The following GREB1L variants were observed in gnomAD, a reference collection of about 807,000 sequenced individuals.
The protein encoded by GREB1L is GREB1-like protein.
A neutral mutation model predicts 200.8 loss-of-function variants in GREB1L; 17 were observed. The ratio of observed to expected loss-of-function variants is 0.08; its 90% confidence interval spans 0.06 to 0.13. GREB1L has a LOEUF of 0.13. Ranked by LOEUF, GREB1L falls within the 10% of genes least tolerant of loss-of-function variation. The pLI, the probability that GREB1L is intolerant of heterozygous loss-of-function variation, is 1.00. For synonymous variants in GREB1L, 789 were observed against 893.0 expected (o/e 0.88, Z 2.08); for missense variants, 1,657 against 2,367.7 (o/e 0.70, Z 6.23).
At chr18:21,276,924 CT>C (rs573871373) in intron 1 of GREB1L, among the ~76,000 whole-genome samples, 143 of 107,648 alleles carry the variant, frequency 1.3e-3, no homozygotes, top group East Asian at 4.5e-3. Context: ...CAGCCCAGCC[CT>C]TTTTTTTTTT....
chr18:21,402,158 C>T (rs762742752), intron 6 of GREB1L, among the ~76,000 whole-genome samples: 3 of 152,032 alleles, frequency 2.0e-5, no homozygotes, highest in Admixed American at 6.6e-5. Context: ...CGCTTGTGAC[C>T]ACTGAATCAT....
chr18:21,427,473 C>A (rs916212992), intron 7 of GREB1L, among the ~76,000 whole-genome samples: 3 of 151,184 alleles, frequency 2.0e-5, no homozygotes, highest in African/African-American at 7.4e-5. Flanking sequence ...CCACTACACT[C>A]CAGCTTGGGC....
At chr18:21,298,417 T>C (rs562375917) in intron 1 of GREB1L, among the ~76,000 whole-genome samples, 2 of 152,248 alleles carry the variant, frequency 1.3e-5, no homozygotes, top group Non-Finnish European at 2.9e-5. Flanking sequence ...GTTTATTTCA[T>C]TTTTCTGATT....
rs1169134389 is a variant in GREB1L at position 21,474,390 on chromosome 18, G to A, written c.2363+1179G>A. 5.3e-5 allele frequency among the ~76,000 whole-genome samples: 8 copies of A among 152,314 alleles called. No homozygotes were observed. The South Asian group carries it at 1.7e-3, about 32-fold the overall frequency. ...CTGGCACCAGTAGGAACTCAGTGTGGTGGGTCTGACCCCACATTTCCCTTC... is the reference window on the plus strand; with the variant it reads ...CTGGCACCAGTAGGAACTCAGTGTGATGGGTCTGACCCCACATTTCCCTTC... On this transcript the variant is annotated intron_variant, in intron 16 of 32. Coordinates refer to ENST00000424526, the MANE Select transcript of GREB1L (RefSeq NM_001142966.3).
intron 1 of GREB1L, among the ~76,000 whole-genome samples, chr18:21,267,681 C>T (rs1013544359): frequency 6.6e-6 from 1 of 152,094 alleles, no homozygotes; most frequent in African/African-American, 2.4e-5. Context: ...CTTATGACCC[C>T]ATCCAATCAT....
Position 21,379,237 on chromosome 18 carries a change from G to A in GREB1L, c.-9-4273G>A, listed in dbSNP as rs1174451879. On this transcript the variant is annotated intron_variant, in intron 2 of 32. Transcript: ENST00000424526. The stretch of plus-strand genomic sequence containing the variant: ...TCTTTTTTATTTTGAAAGGAGTTTC[G>A]CTCTTGTTGCCCAGGCTGGAGTGCA... Among the ~76,000 whole-genome samples, 3 of 151,728 alleles carry A rather than the reference G, an allele frequency of 2.0e-5. No homozygotes were observed. The East Asian group carries it at 5.8e-4, about 29-fold the overall frequency.
chr18:21,520,880 AC>A, intron 32 of GREB1L, 57 bp downstream of exon 32: 1 of 1,428,484 alleles, frequency 7.0e-7, no homozygotes, highest in Non-Finnish European at 9.4e-7. Context: ...TGAGCAAAAT[AC>A]AGAAGATAAA....
At chr18:21,361,695 A>G (rs4800627) in intron 1 of GREB1L, among the ~76,000 whole-genome samples, 2 of 151,706 alleles carry the variant, frequency 1.3e-5, no homozygotes, top group African/African-American at 4.8e-5. Flanking sequence ...GATTTCTGGT[A>G]CAGACTGTGA....
intron 15 of GREB1L, among the ~76,000 whole-genome samples, chr18:21,470,431 A>G (rs2035439093): frequency 6.6e-6 from 1 of 152,184 alleles, no homozygotes; most frequent in Non-Finnish European, 1.5e-5. Flanking sequence ...CATTTTCTCC[A>G]TAAAGGTCTT....
chr18:21,449,676 C>T lies in GREB1L; in HGVS notation c.1560C>T (p.Asp520=), dbSNP rs1166751203. ...LARLIASVSQ[D]LVHVVVTQNS... is the part of the protein sequence containing the mutation. ...GATTAATTGCCAGCGTATCTCAAGA[C>T]TTGGTTCATGTGGTTGTGACCCAGA... The change falls in exon 12 of 33, where the codon GAC becomes GAT. Residue 520 remains aspartate, a synonymous_variant. Coordinates refer to ENST00000424526, the MANE Select transcript of GREB1L (RefSeq NM_001142966.3). 5 of 1,551,700 alleles carry T rather than the reference C, an allele frequency of 3.2e-6. No homozygotes were observed. The South Asian group carries it at 4.8e-5, about 15-fold the overall frequency.
intron 4 of GREB1L, among the ~76,000 whole-genome samples, chr18:21,392,823 G>A (rs1466498054): frequency 2.6e-5 from 4 of 151,994 alleles, no homozygotes; most frequent in Non-Finnish European, 5.9e-5. Context: ...CCAGGCTGGA[G>A]TACAATGGCA....
At chr18:21,243,070 C>T (rs1402840551) in intron 1 of GREB1L, among the ~76,000 whole-genome samples, 2 of 152,020 alleles carry the variant, frequency 1.3e-5, no homozygotes, top group Non-Finnish European at 2.9e-5. Flanking sequence ...TGGCTGAGGA[C>T]CACTCTTATT....
chr18:21,412,788 G>A (rs1033544657), intron 7 of GREB1L, among the ~76,000 whole-genome samples: 2 of 151,936 alleles, frequency 1.3e-5, no homozygotes, highest in African/African-American at 4.8e-5. Flanking sequence ...AATGTTTTGT[G>A]CACTCTTCTG....
At chr18:21,310,234 G>T (rs910691766) in intron 1 of GREB1L, among the ~76,000 whole-genome samples, 2 of 152,182 alleles carry the variant, frequency 1.3e-5, no homozygotes, top group African/African-American at 4.8e-5. Flanking sequence ...ACTGAGAGAA[G>T]AGAGGACCGA....
chr18:21,472,980 G>A (rs1466079906), intron 15 of GREB1L, 51 bp from the exon 16 acceptor site: 1 of 1,269,270 alleles, frequency 7.9e-7, no homozygotes, highest in Non-Finnish European at 1.1e-6. Flanking sequence ...TCCTGTGTGT[G>A]TGTGTATGTG....
intron 1 of GREB1L, among the ~76,000 whole-genome samples, chr18:21,297,314 A>C (rs1214699828): frequency 6.6e-6 from 1 of 152,134 alleles, no homozygotes; most frequent in Non-Finnish European, 1.5e-5. Context: ...GTGCAGTGAT[A>C]ATACTGTCCC....
intron 15 of GREB1L, among the ~76,000 whole-genome samples, chr18:21,464,405 G>A (rs983457729): frequency 4.6e-5 from 7 of 152,034 alleles, no homozygotes; most frequent in South Asian, 2.1e-4. Context: ...TTAGCCGGGC[G>A]TAGTGGCACA....
chr18:21,286,518 CAAAT>C (rs2038360375), intron 1 of GREB1L, among the ~76,000 whole-genome samples: 1 of 152,120 alleles, frequency 6.6e-6, no homozygotes, highest in Non-Finnish European at 1.5e-5. Flanking sequence ...AAAAAACAAA[CAAAT>C]AAATATGTGG....
chr18:21,500,149 T>G lies in GREB1L; in HGVS notation c.3812T>G (p.Leu1271Arg), dbSNP rs1160975774. ...GCCTGGGTGAGCTCCCTGCGGCCAC[T>G]CCTGAACAAGGACATGAGCAGTGAG... ...DVAWVSSLRP[L>R]LNKDMSSEEQ... The change falls in exon 22 of 33, where the codon CTC becomes CGC. Residue 1271 changes from leucine to arginine, a missense_variant. By Grantham distance (102) the Leu-to-Arg change is moderately radical. This residue lies in a region of GREB1L where 512 missense variants were observed against 668.3 expected (regional missense o/e 0.77). Transcript: ENST00000424526. 4.5e-6 allele frequency: 7 copies of G among 1,551,488 alleles called. No homozygotes were observed. Among genetic ancestry groups the G allele is most frequent in the Non-Finnish European group, 6.1e-6 (7 of 1,147,004 alleles).
Sources: gnomAD v4.1 joint callset for allele counts (sites outside exome capture counted in the v4.1 genomes callset) on GRCh38, gnomAD v4.1.1 for gene constraint, gnomAD v4.1.1 regional missense constraint, MANE v1.5 for transcripts, NCBI Gene and HGNC (gene_info 2026-07-23, HGNC 2026-07-21) for gene names.